Variants in LRRC28 observed in about 807,000 individuals in gnomAD.
LRRC28 encodes leucine rich repeat containing 28.
A neutral mutation model predicts 45.7 loss-of-function variants in LRRC28; 39 were observed. The ratio of observed to expected loss-of-function variants is 0.85; its 90% CI spans 0.66 to 1.12. The LOEUF is 1.12. LRRC28 is among the 50% of genes most tolerant of loss of function. LRRC28 has a pLI of 0.00. For missense variants in LRRC28, 435 were observed against 438.5 expected (o/e 0.99, Z 0.07); for synonymous variants, 206 against 178.8 (o/e 1.15, Z -1.22).
At chr15:99,275,050 C>T (rs532252078) in intron 2 of LRRC28, among the ~76,000 whole-genome samples, 55 of 152,240 alleles carry the variant, frequency 3.6e-4, no homozygotes, top group South Asian at 8.3e-4. Context: ...TTCAGCCTTT[C>T]GACTCTTTCT....
Position 99,321,899 on chromosome 15 carries a change from TTAAA to T in LRRC28, c.386-12020_386-12017del, listed in dbSNP as rs200842316. The stretch of plus-strand genomic sequence containing the variant: ...GACATGTAAATAAATGAATAAGTAA[TTAAA>T]TAAGTAAATGCAGGGAGGGAATAAA... On this transcript the variant is annotated intron_variant, in intron 5 of 9. Coordinates refer to ENST00000301981, the MANE Select transcript of LRRC28 (RefSeq NM_144598.5). Among the ~76,000 whole-genome samples, 1,289 of 152,246 alleles carry T rather than the reference TTAAA, an allele frequency of 8.5e-3. 28 individuals are homozygous for T. The highest frequency in any genetic ancestry group is 0.059 in the South Asian group (285 of 4,820).
At chr15:99,343,039 A>T (rs1488287673) in intron 6 of LRRC28, among the ~76,000 whole-genome samples, 1 of 152,236 alleles carries the variant, frequency 6.6e-6, no homozygotes, top group Non-Finnish European at 1.5e-5. Context: ...TTTGGAATAC[A>T]CTGTAAATTA....
chr15:99,335,305 C>T (rs1038008777), intron 6 of LRRC28, among the ~76,000 whole-genome samples: 1 of 152,170 alleles, frequency 6.6e-6, no homozygotes, highest in African/African-American at 2.4e-5. Context: ...TGGAGTAAGT[C>T]ACCAGAACCT....
intron 6 of LRRC28, 86 bp from the exon 7 acceptor site, chr15:99,352,283 T>C: frequency 1.1e-6 from 1 of 906,838 alleles, no homozygotes. Flanking sequence ...TCTTCGAATA[T>C]TTCTAATACT....
At chr15:99,271,594 A>C (rs1465383848) in intron 2 of LRRC28, among the ~76,000 whole-genome samples, 7 of 151,202 alleles carry the variant, frequency 4.6e-5, no homozygotes, top group African/African-American at 1.7e-4. Context: ...TCTTTTATTT[A>C]TTTATTTATA....
chr15:99,302,327 A>C (rs998914657), intron 5 of LRRC28, among the ~76,000 whole-genome samples: 1 of 151,870 alleles, frequency 6.6e-6, no homozygotes, highest in Non-Finnish European at 1.5e-5. Flanking sequence ...GCACCTGGCC[A>C]AGTTAATAAT....
chr15:99,290,664 A>G (rs1043948548), intron 5 of LRRC28, among the ~76,000 whole-genome samples: 5 of 152,138 alleles, frequency 3.3e-5, no homozygotes, highest in Non-Finnish European at 7.4e-5. Flanking sequence ...AAAAAATACA[A>G]TTCTGCCAGG....
intron 6 of LRRC28, among the ~76,000 whole-genome samples, chr15:99,345,931 C>G (rs1956665918): frequency 6.6e-6 from 1 of 152,098 alleles, no homozygotes; most frequent in African/African-American, 2.4e-5. Context: ...TCCTCTTATC[C>G]CCACAGTGTG....
chr15:99,340,105 C>A (rs1265818510), intron 6 of LRRC28, among the ~76,000 whole-genome samples: 5 of 152,258 alleles, frequency 3.3e-5, no homozygotes, highest in Non-Finnish European at 5.9e-5. Context: ...GATTCTACCA[C>A]TCCTCCAGAT....
At chr15:99,346,895 ATATT>A (rs1956699821) in intron 6 of LRRC28, among the ~76,000 whole-genome samples, 1 of 152,154 alleles carries the variant, frequency 6.6e-6, no homozygotes, top group Non-Finnish European at 1.5e-5. Flanking sequence ...GTGTATATAT[ATATT>A]TAAGTAAATT....
intron 2 of LRRC28, among the ~76,000 whole-genome samples, chr15:99,256,666 G>C (rs1347029135): frequency 6.6e-6 from 1 of 152,164 alleles, no homozygotes; most frequent in Non-Finnish European, 1.5e-5. Flanking sequence ...TTTGAATTGG[G>C]CTAGCATACA....
chr15:99,279,170 T>C (rs2081707786), intron 3 of LRRC28, among the ~76,000 whole-genome samples: 1 of 152,252 alleles, frequency 6.6e-6, no homozygotes, highest in Admixed American at 6.5e-5. Flanking sequence ...CTTTTGTATC[T>C]GGCTGCATTA....
intron 5 of LRRC28, among the ~76,000 whole-genome samples, chr15:99,312,909 G>C (rs928388820): frequency 7.2e-5 from 11 of 152,160 alleles, no homozygotes; most frequent in African/African-American, 2.7e-4. Context: ...TTTAAAAATA[G>C]CTGAATCACA....
chr15:99,349,713 G>C (rs1956810235), intron 6 of LRRC28, among the ~76,000 whole-genome samples: 1 of 152,016 alleles, frequency 6.6e-6, no homozygotes. Context: ...GATACGTAAA[G>C]GACTCTTAAA....
At chr15:99,253,431 A>G (rs1474808796) in intron 1 of LRRC28, among the ~76,000 whole-genome samples, 1 of 152,080 alleles carries the variant, frequency 6.6e-6, no homozygotes, top group East Asian at 1.9e-4. Context: ...TCAGGAAGTA[A>G]TTTTTATGTT....
chr15:99,370,740 C>T (rs1032227913), intron 9 of LRRC28, among the ~76,000 whole-genome samples: 1 of 152,040 alleles, frequency 6.6e-6, no homozygotes, highest in Non-Finnish European at 1.5e-5. Flanking sequence ...TAGTGTGATC[C>T]AGTCTTTGTC....
intron 9 of LRRC28, among the ~76,000 whole-genome samples, chr15:99,377,058 C>A (rs2152338384): frequency 6.6e-6 from 1 of 152,112 alleles, no homozygotes; most frequent in African/African-American, 2.4e-5. Flanking sequence ...GGGTATATAC[C>A]CAGTAATGGG....
chr15:99,281,788 G>T (rs2081799499), intron 3 of LRRC28, among the ~76,000 whole-genome samples: 1 of 152,126 alleles, frequency 6.6e-6, no homozygotes, highest in African/African-American at 2.4e-5. Flanking sequence ...GGTTAGGTTA[G>T]CCCTATTACT....
intron 6 of LRRC28, among the ~76,000 whole-genome samples, chr15:99,339,291 A>G (rs889417699): frequency 1.3e-5 from 2 of 152,228 alleles, no homozygotes; most frequent in Non-Finnish European, 1.5e-5. Context: ...TCACAAATTG[A>G]CTATGGAAGA....
Sources: allele counts gnomAD v4.1 joint callset (sites outside exome capture counted in the v4.1 genomes callset), GRCh38; gene constraint gnomAD v4.1.1; transcripts MANE v1.5; gene names NCBI Gene and HGNC (gene_info 2026-07-23, HGNC 2026-07-21).